Variants in FANCB observed in about 807,000 individuals in gnomAD.
FANCB encodes the protein Fanconi anemia group B protein.
A neutral mutation model predicts 38.9 loss-of-function variants in FANCB; 5 were observed. That is an observed-to-expected ratio of 0.13 (90% CI 0.07 to 0.27). The LOEUF is 0.27. Among genes scored for constraint, FANCB ranks in the 10% least tolerant of loss-of-function variants. The probability of loss-of-function intolerance (pLI) is 1.00; values close to 1 mark genes in which losing one functional copy is unlikely to be tolerated. For missense variants in FANCB, 573 were observed against 602.7 expected (o/e 0.95, Z 0.52); for synonymous variants, 236 against 215.4 (o/e 1.10, Z -0.84).
chrX:14,753,680 C>G, the FANCB span, among the ~76,000 whole-genome samples: 1 of 110,941 alleles, frequency 9.0e-6, no homozygotes. Flanking sequence ...TAGTGATTAC[C>G]GAGTTCCCAA....
chrX:14,725,700 A>G, the FANCB span, among the ~76,000 whole-genome samples: 2 of 112,454 alleles, frequency 1.8e-5, no homozygotes, highest in South Asian at 7.3e-4. Flanking sequence ...AACTCCAGTG[A>G]GCTTTAGGTC....
At chrX:14,816,033 C>T in the FANCB span, among the ~76,000 whole-genome samples, 15 of 111,000 alleles carry the variant, frequency 1.4e-4, no homozygotes, top group African/African-American at 3.6e-4. Flanking sequence ...GGGAGGTGAG[C>T]GAGGGATGAG....
At chrX:14,771,362 C>T in the FANCB span, among the ~76,000 whole-genome samples, 1 of 111,184 alleles carries the variant, frequency 9.0e-6, no homozygotes, top group African/African-American at 3.3e-5. Context: ...TTCTTGTCTG[C>T]CTGTCTTATT....
the FANCB span, among the ~76,000 whole-genome samples, chrX:14,785,988 GAGAGAGAAGTTAACTGC>G: frequency 1.8e-5 from 2 of 111,836 alleles, no homozygotes; most frequent in South Asian, 7.5e-4. Context: ...CAGTTGAGCA[GAGAGAGAAGTTAACTGC>G]AGAGAGAAGT....
intron 7 of FANCB, among the ~76,000 whole-genome samples, chrX:14,847,856 G>T (rs1347590454): frequency 9.0e-6 from 1 of 111,374 alleles, no homozygotes; most frequent in Non-Finnish European, 1.9e-5. Context: ...CAAGGAAAAA[G>T]AAGACACAAA....
chrX:14,750,588 T>G, the FANCB span, among the ~76,000 whole-genome samples: 1 of 111,177 alleles, frequency 9.0e-6, no homozygotes, highest in Non-Finnish European at 1.9e-5. Context: ...GAAAACGTTG[T>G]TCCTGGTTTG....
At chrX:14,861,135 T>C (rs1225853345) in intron 3 of FANCB, among the ~76,000 whole-genome samples, 2 of 111,567 alleles carry the variant, frequency 1.8e-5, no homozygotes, top group Non-Finnish European at 3.8e-5. Context: ...TCTCCTACCT[T>C]GGCCTCCCAA....
chrX:14,818,838 T>C, the FANCB span, among the ~76,000 whole-genome samples: 1 of 112,295 alleles, frequency 8.9e-6, no homozygotes, highest in Non-Finnish European at 1.9e-5. Context: ...AATGTGCATG[T>C]CACACTTAAG....
At chrX:14,796,779 G>A in the FANCB span, among the ~76,000 whole-genome samples, 11 of 106,243 alleles carry the variant, frequency 1.0e-4, 1 homozygote, top group Admixed American at 9.5e-4. Context: ...CATGATTATC[G>A]AAGCTGAGTA....
chrX:14,750,399 C>T, the FANCB span, among the ~76,000 whole-genome samples: 1 of 112,142 alleles, frequency 8.9e-6, no homozygotes, highest in South Asian at 3.7e-4. Flanking sequence ...TCAATGGCTC[C>T]ACCATCACCA....
At chrX:14,787,209 T>C in the FANCB span, among the ~76,000 whole-genome samples, 1 of 110,611 alleles carries the variant, frequency 9.0e-6, no homozygotes, top group Non-Finnish European at 1.9e-5. Flanking sequence ...GCCATCCTTA[T>C]GAAAAGTCAT....
At chrX:14,753,687 C>T in the FANCB span, among the ~76,000 whole-genome samples, 260 of 111,018 alleles carry the variant, frequency 2.3e-3, no homozygotes, top group Non-Finnish European at 3.9e-3. Context: ...TACCGAGTTC[C>T]CAAGCTCAGG....
intron 2 of FANCB, among the ~76,000 whole-genome samples, chrX:14,868,075 C>T (rs1301341688): frequency 1.8e-5 from 2 of 110,885 alleles, no homozygotes; most frequent in Admixed American, 9.6e-5. Flanking sequence ...TTGGCAAGCA[C>T]GTGGAGAAAA....
In FANCB at chrX:14,845,090, C is replaced by T. The variant is rs2092370678; in HGVS notation, c.1693G>A (p.Val565Ile). ...TPDSKKEESF[V>I]CEHPSKKECV... ...TCTTTCTTAGATGGGTGTTCACAAA[C>T]AAAGCTTTCCTCTTTCTTGCTATCA... Residue 565 changes from valine (V) to isoleucine (I), a missense_variant, in exon 8 of 10, where the codon GTT becomes ATT. By Grantham distance (29) the Val-to-Ile change is conservative (BLOSUM62 3). Coordinates refer to ENST00000650831, the MANE Select transcript of FANCB (RefSeq NM_001018113.3). 8.3e-7 allele frequency: 1 copy of T among 1,210,867 alleles called. No homozygotes were observed. The highest frequency in any genetic ancestry group is 3.0e-5 in the East Asian group (1 of 33,832).
the FANCB span, among the ~76,000 whole-genome samples, chrX:14,739,533 T>A: frequency 8.9e-6 from 1 of 112,105 alleles, no homozygotes; most frequent in African/African-American, 3.2e-5. Flanking sequence ...GAAATAAATG[T>A]CAAAAGAGAG....
chrX:14,816,397 C>T, the FANCB span, among the ~76,000 whole-genome samples: 1 of 111,376 alleles, frequency 9.0e-6, no homozygotes, highest in Non-Finnish European at 1.9e-5. Context: ...TTTCCCACCT[C>T]CCTCCCACTT....
intron 1 of FANCB, among the ~76,000 whole-genome samples, chrX:14,872,570 G>A (rs2092503938): frequency 9.4e-6 from 1 of 106,443 alleles, no homozygotes; most frequent in Non-Finnish European, 1.9e-5. Context: ...TTTGCCCCCG[G>A]CCCCTAGCAG....
chrX:14,763,919 T>G, the FANCB span, among the ~76,000 whole-genome samples: 9 of 111,627 alleles, frequency 8.1e-5, no homozygotes, highest in Non-Finnish European at 1.3e-4. Context: ...ATTGTGAAAG[T>G]GCACAACTTT....
the FANCB span, among the ~76,000 whole-genome samples, chrX:14,814,343 A>T: frequency 8.9e-6 from 1 of 112,237 alleles, no homozygotes; most frequent in Non-Finnish European, 1.9e-5. Context: ...ATTAAACTAA[A>T]GAGCTTCTGC....
Sources: gnomAD v4.1 joint callset for allele counts (sites outside exome capture counted in the v4.1 genomes callset) on GRCh38, gnomAD v4.1.1 for gene constraint, MANE v1.5 for transcripts, NCBI Gene and HGNC (gene_info 2026-07-23, HGNC 2026-07-21) for gene names.